The following SLC25A21 variants were observed in gnomAD, a reference collection of about 807,000 sequenced individuals.
SLC25A21 encodes the protein mitochondrial 2-oxodicarboxylate carrier.
Under a neutral mutation model 43.8 loss-of-function variants are expected in SLC25A21, and 47 were observed. The ratio of observed to expected loss-of-function variants is 1.07; its 90% CI spans 0.85 to 1.37. SLC25A21 has a LOEUF of 1.37. SLC25A21 is among the 40% of genes most tolerant of loss of function. The pLI is 0.00. For missense variants in SLC25A21, 352 were observed against 350.2 expected, an observed-to-expected ratio of 1.00 and a Z score of -0.04; for synonymous variants, 131 against 121.3, an observed-to-expected ratio of 1.08 and a Z score of -0.52.
intron 1 of SLC25A21, among the ~76,000 whole-genome samples, chr14:36,985,911 G>T (rs1236263382): frequency 6.6e-6 from 1 of 152,096 alleles, no homozygotes. Flanking sequence ...TTTGGTCAGT[G>T]AGAGTTCCTT....
intron 2 of SLC25A21, among the ~76,000 whole-genome samples, chr14:36,830,062 T>C (rs1400637879): frequency 6.6e-6 from 1 of 152,026 alleles, no homozygotes; most frequent in Non-Finnish European, 1.5e-5. Context: ...CATTTAAAGA[T>C]GAAAATGTTT....
intron 1 of SLC25A21, among the ~76,000 whole-genome samples, chr14:36,924,874 C>G (rs1474506181): frequency 6.6e-6 from 1 of 152,016 alleles, no homozygotes; most frequent in Non-Finnish European, 1.5e-5. Flanking sequence ...TATGCAAATA[C>G]TATGCTATTT....
chr14:37,078,139 C>T (rs1410106647), intron 1 of SLC25A21, among the ~76,000 whole-genome samples: 1 of 152,134 alleles, frequency 6.6e-6, no homozygotes, highest in Non-Finnish European at 1.5e-5. Context: ...TGTTGAGATG[C>T]TTTAAACATT....
intron 3 of SLC25A21, among the ~76,000 whole-genome samples, chr14:36,750,908 G>A (rs924159372): frequency 4.6e-5 from 7 of 152,072 alleles, no homozygotes; most frequent in African/African-American, 1.7e-4. Flanking sequence ...TTGTGGGAGT[G>A]CTTCATGCCT....
intron 2 of SLC25A21, among the ~76,000 whole-genome samples, chr14:36,855,091 T>C (rs1384880220): frequency 6.6e-6 from 1 of 151,876 alleles, no homozygotes; most frequent in African/African-American, 2.4e-5. Context: ...TTCTGAACAA[T>C]GTCAGTAAAG....
intron 1 of SLC25A21, among the ~76,000 whole-genome samples, chr14:37,046,200 C>CA (rs1248871310): frequency 6.6e-6 from 1 of 152,072 alleles, no homozygotes; most frequent in Non-Finnish European, 1.5e-5. Context: ...CACCATGCTG[C>CA]AATGCTCCCT....
At chr14:36,928,837 GT>G (rs1212925434) in intron 1 of SLC25A21, among the ~76,000 whole-genome samples, 1 of 152,062 alleles carries the variant, frequency 6.6e-6, no homozygotes. Flanking sequence ...TTGCCTACTT[GT>G]TTAAAGAGTT....
rs1419292260 is a variant in SLC25A21, at chr14:37,172,315, C to G, written c.36G>C (p.Glu12Asp). 6.2e-7 allele frequency: 1 copy of G among 1,603,124 alleles called. No homozygotes were observed. The highest frequency in any genetic ancestry group is 2.3e-5 in the East Asian group (1 of 44,420). Residue 12 changes from glutamate (E) to aspartate (D), a missense_variant, in exon 1 of 10, where the codon GAG (glutamate) becomes GAC (aspartate). By Grantham distance (45) the Glu-to-Asp change is conservative. Coordinates refer to ENST00000331299, the MANE Select transcript of SLC25A21 (RefSeq NM_030631.4). Reference sequence around the variant, plus strand: ...CACCGGCCACGATCTGCCGAGAAGCCTCGCGCACTAAGCTGACTTCAGGCT... The same window carrying G: ...CACCGGCCACGATCTGCCGAGAAGCGTCGCGCACTAAGCTGACTTCAGGCT... Reference protein sequence around the residue: ...SAKPEVSLVREASRQIVAGGS... With the variant: ...SAKPEVSLVRDASRQIVAGGS...
At position 36,865,360 on chromosome 14, in the gene SLC25A21, T is replaced by C. The variant is rs370078541; in HGVS notation, c.119+9596A>G. ...TACCTTCCCTCTGTAACAACCAATA[T>C]ACTCGCTCCTTTCCCATCCTCTGGT... On this transcript the variant is annotated intron_variant, in intron 2 of 9. Coordinates refer to ENST00000331299, the MANE Select transcript of SLC25A21 (RefSeq NM_030631.4). Among the ~76,000 whole-genome samples the C allele has an allele frequency of 5.8e-4, 89 of 152,198 alleles. 1 individual carries two copies. Among genetic ancestry groups the C allele is most frequent in the African/African-American group, 2.1e-3 (86 of 41,556 alleles).
intron 1 of SLC25A21, among the ~76,000 whole-genome samples, chr14:37,121,798 CA>C (rs10706578): frequency 0.94 from 142,065 of 151,602 alleles, 66,712 homozygotes; most frequent in East Asian, 1. Context: ...CAAAAAGAAC[CA>C]AAAAAAAACA....
chr14:36,885,236 A>G (rs904597513), intron 1 of SLC25A21, among the ~76,000 whole-genome samples: 1 of 152,132 alleles, frequency 6.6e-6, no homozygotes, highest in Non-Finnish European at 1.5e-5. Context: ...TTTCCATTGT[A>G]TGTTCCTGGC....
chr14:36,937,466 T>C (rs538496170), intron 1 of SLC25A21, among the ~76,000 whole-genome samples: 65 of 152,304 alleles, frequency 4.3e-4, no homozygotes, highest in Non-Finnish European at 7.5e-4. Flanking sequence ...TTGGTTTCCA[T>C]TGCGGCCTAT....
At chr14:36,902,181 A>G (rs966927856) in intron 1 of SLC25A21, among the ~76,000 whole-genome samples, 1 of 152,200 alleles carries the variant, frequency 6.6e-6, no homozygotes, top group African/African-American at 2.4e-5. Flanking sequence ...GTAAATCCAT[A>G]TTGTATTATT....
At chr14:36,989,906 A>G (rs1960227462) in intron 1 of SLC25A21, among the ~76,000 whole-genome samples, 1 of 152,164 alleles carries the variant, frequency 6.6e-6, no homozygotes, top group Non-Finnish European at 1.5e-5. Flanking sequence ...GGGAGAGAGA[A>G]AGAGAGCAAG....
chr14:37,011,463 C>T (rs1295801538), intron 1 of SLC25A21, among the ~76,000 whole-genome samples: 2 of 152,134 alleles, frequency 1.3e-5, no homozygotes, highest in African/African-American at 4.8e-5. Context: ...TAGGAATAAG[C>T]ATTGATAGGA....
intron 1 of SLC25A21, among the ~76,000 whole-genome samples, chr14:37,154,697 C>T (rs985156568): frequency 2.0e-5 from 3 of 149,602 alleles, no homozygotes; most frequent in Non-Finnish European, 3.0e-5. Context: ...GGCTGGAGTG[C>T]GATAGCATGA....
intron 6 of SLC25A21, among the ~76,000 whole-genome samples, chr14:36,718,618 A>G (rs1005639120): frequency 6.6e-6 from 1 of 152,206 alleles, no homozygotes; most frequent in Non-Finnish European, 1.5e-5. Context: ...TTGATCTTCT[A>G]TGGAGAACAT....
chr14:37,054,933 G>T (rs1287396111), intron 1 of SLC25A21, among the ~76,000 whole-genome samples: 1 of 152,106 alleles, frequency 6.6e-6, no homozygotes, highest in Non-Finnish European at 1.5e-5. Flanking sequence ...TGCACAGAGG[G>T]CAAGGCCAGA....
Position 36,897,347 on chromosome 14 carries a change from T to C in SLC25A21, c.71-22343A>G, listed in dbSNP as rs368545531. Reference sequence around the variant, plus strand: ...TGATCGAATCGGCTACTGAGGCTTGTGCATTCGTCATGTTCTTGTGCCTTG... The same window carrying C: ...TGATCGAATCGGCTACTGAGGCTTGCGCATTCGTCATGTTCTTGTGCCTTG... On this transcript the variant is annotated intron_variant, in intron 1 of 9. Coordinates refer to ENST00000331299, the MANE Select transcript of SLC25A21 (RefSeq NM_030631.4). Among the ~76,000 whole-genome samples, 37 of 152,348 alleles carry C rather than the reference T, an allele frequency of 2.4e-4. No individual in the cohort carries two copies. In the East Asian group the frequency reaches 7.1e-3, roughly 29 times the overall value.
Sources: gnomAD v4.1 joint callset for allele counts (sites outside exome capture counted in the v4.1 genomes callset) on GRCh38, gnomAD v4.1.1 for gene constraint, MANE v1.5 for transcripts, NCBI Gene and HGNC (gene_info 2026-07-23, HGNC 2026-07-21) for gene names.